The following DPP6 variants were observed in gnomAD, a reference collection of about 807,000 sequenced individuals.
DPP6 encodes A-type potassium channel modulatory protein DPP6.
Under a neutral mutation model 122.6 loss-of-function variants are expected in DPP6, and 69 were observed. The observed-to-expected ratio is 0.56, with a 90% CI of 0.46 to 0.69. The LOEUF is 0.69. Ranked by LOEUF, DPP6 falls within the 30% of genes least tolerant of loss-of-function variation. DPP6 has a pLI of 0.00. For synonymous variants in DPP6, 418 were observed against 433.1 expected (o/e 0.97, Z 0.43); for missense variants, 928 against 1,116.9 (o/e 0.83, Z 2.41).
At chr7:154,539,494 C>T (rs1367788071) in intron 3 of DPP6, among the ~76,000 whole-genome samples, 1 of 151,654 alleles carries the variant, frequency 6.6e-6, no homozygotes, top group African/African-American at 2.4e-5. Context: ...CGGTGGGGGG[C>T]AGGGGGAGGG....
chr7:154,016,659 C>T (rs913487810), intron 1 of DPP6, among the ~76,000 whole-genome samples: 4 of 152,116 alleles, frequency 2.6e-5, no homozygotes, highest in African/African-American at 9.7e-5. Flanking sequence ...TACTGATTTG[C>T]TCTATTTTGG....
At chr7:154,386,314 C>G (rs1005002501) in intron 1 of DPP6, among the ~76,000 whole-genome samples, 1 of 152,016 alleles carries the variant, frequency 6.6e-6, no homozygotes, top group Admixed American at 6.6e-5. Flanking sequence ...CCCACCCCCA[C>G]CATGCTTCTG....
intron 8 of DPP6, among the ~76,000 whole-genome samples, chr7:154,744,112 A>T (rs557080985): frequency 6.6e-5 from 10 of 152,220 alleles, no homozygotes; most frequent in African/African-American, 2.4e-4. Context: ...GTCCTGTGTA[A>T]TGGGTTAACT....
chr7:154,486,028 T>C lies in DPP6; in HGVS notation c.457+10991T>C, dbSNP rs1277296442. Among the ~76,000 whole-genome samples the C allele has an allele frequency of 6.7e-6, 1 of 149,946 alleles. No individual in the cohort carries two copies. Among genetic ancestry groups the C allele is most frequent in the African/African-American group, 2.5e-5 (1 of 40,760 alleles). ...TAAGAAAACTATGAGTCAAAGACAC[T>C]AAATCACTTTTTCAAAGTTACCAAG... On this transcript the variant is annotated intron_variant, in intron 3 of 25. Coordinates refer to ENST00000377770, the MANE Select transcript of DPP6 (RefSeq NM_130797.4). This position sits in a 1 kb window ranked among gnomAD's most constrained non-coding sequence, Gnocchi z 4.5.
intron 1 of DPP6, among the ~76,000 whole-genome samples, chr7:154,344,495 A>G (rs1040761510): frequency 6.6e-6 from 1 of 152,194 alleles, no homozygotes; most frequent in Non-Finnish European, 1.5e-5. Flanking sequence ...GCCACTATGG[A>G]GAGTAGTATG....
At chr7:154,078,177 CA>C (rs1803707108) in intron 1 of DPP6, among the ~76,000 whole-genome samples, 1 of 152,052 alleles carries the variant, frequency 6.6e-6, no homozygotes, top group Non-Finnish European at 1.5e-5. Context: ...TCCAAGCAGA[CA>C]TTAAGTGTGC....
At chr7:154,064,011 G>T (rs1253081031) in intron 1 of DPP6, among the ~76,000 whole-genome samples, 5 of 152,074 alleles carry the variant, frequency 3.3e-5, no homozygotes. Context: ...ATTGGTTTGA[G>T]AAGAAAAGGG....
chr7:153,760,013 G>C, the DPP6 span, among the ~76,000 whole-genome samples: 3 of 151,864 alleles, frequency 2.0e-5, no homozygotes, highest in Non-Finnish European at 4.4e-5. Context: ...ATGTGAGTGA[G>C]TGTGTTCTCT....
chr7:153,831,589 A>G, the DPP6 span, among the ~76,000 whole-genome samples: 1 of 152,236 alleles, frequency 6.6e-6, no homozygotes, highest in Non-Finnish European at 1.5e-5. Context: ...GGCAAGTAAA[A>G]AGCAGCCACA....
intron 1 of DPP6, among the ~76,000 whole-genome samples, chr7:154,274,761 C>A (rs1299650317): frequency 6.6e-6 from 1 of 152,176 alleles, no homozygotes; most frequent in African/African-American, 2.4e-5. Flanking sequence ...AGGCTCTAAA[C>A]CTGGCTCTGG....
intron 1 of DPP6, among the ~76,000 whole-genome samples, chr7:154,366,486 C>T (rs1193443446): frequency 6.6e-6 from 1 of 152,194 alleles, no homozygotes; most frequent in East Asian, 1.9e-4. Flanking sequence ...GCTTCCGCTG[C>T]ACGGGAACGT....
At chr7:154,141,840 G>A (rs1795862608) in intron 1 of DPP6, among the ~76,000 whole-genome samples, 1 of 152,208 alleles carries the variant, frequency 6.6e-6, no homozygotes, top group Non-Finnish European at 1.5e-5. Context: ...TGTAGCTGAA[G>A]ATCACTGAGG....
chr7:154,790,839 A>G (rs1050319124), intron 10 of DPP6, among the ~76,000 whole-genome samples: 3 of 67,740 alleles, frequency 4.4e-5, no homozygotes, highest in East Asian at 9.2e-4. Context: ...GAGGAAAGGA[A>G]GGAGGGAGGG....
chr7:154,479,312 C>G (rs993921485), intron 3 of DPP6, among the ~76,000 whole-genome samples: 1 of 152,094 alleles, frequency 6.6e-6, no homozygotes, highest in African/African-American at 2.4e-5. Context: ...AATCCCAGCA[C>G]TTTGGGAGGC....
chr7:153,951,317 G>T (rs952550557), intron 1 of DPP6, among the ~76,000 whole-genome samples: 1 of 152,204 alleles, frequency 6.6e-6, no homozygotes, highest in Admixed American at 6.5e-5. Context: ...GCAAAGCAAG[G>T]GGGAGAGTGA....
At chr7:154,591,210 C>G (rs893069737) in intron 5 of DPP6, among the ~76,000 whole-genome samples, 1 of 152,254 alleles carries the variant, frequency 6.6e-6, no homozygotes, top group African/African-American at 2.4e-5. Flanking sequence ...ACGTTTCCCC[C>G]TCTGATTCTT....
chr7:154,112,198 ATACT>A (rs1403216363), intron 1 of DPP6, among the ~76,000 whole-genome samples: 1 of 152,122 alleles, frequency 6.6e-6, no homozygotes, highest in Non-Finnish European at 1.5e-5. Context: ...ACCATCACCA[ATACT>A]TACTTTACAA....
At chr7:154,748,899 G>C (rs112896794) in intron 8 of DPP6, among the ~76,000 whole-genome samples, 14 of 152,222 alleles carry the variant, frequency 9.2e-5, no homozygotes, top group Admixed American at 6.5e-5. Context: ...GGTATTTCCA[G>C]GTGGCTCAAG....
intron 21 of DPP6, among the ~76,000 whole-genome samples, chr7:154,881,551 C>T (rs1445401322): frequency 6.6e-6 from 1 of 152,186 alleles, no homozygotes; most frequent in African/African-American, 2.4e-5. Flanking sequence ...TCAAGAAGGC[C>T]AGCACACAGA....
Sources: allele counts gnomAD v4.1 joint callset (sites outside exome capture counted in the v4.1 genomes callset), GRCh38; gene constraint gnomAD v4.1.1; non-coding constraint Gnocchi (gnomAD v3.1); transcripts MANE v1.5; gene names NCBI Gene and HGNC (gene_info 2026-07-23, HGNC 2026-07-21).